Variants in GMDS observed in about 807,000 individuals in gnomAD.
The protein encoded by GMDS is GDP-mannose 4,6-dehydratase, also known as GDP-mannose 4,6 dehydratase.
A neutral mutation model predicts 49.9 loss-of-function variants in GMDS; 20 were observed. That is an observed-to-expected ratio of 0.40 (90% confidence interval 0.28 to 0.58). The LOEUF (loss-of-function observed/expected upper bound fraction) is 0.58, where lower values mean the gene tolerates loss of function less well. Among genes scored for constraint, GMDS ranks in the 20% least tolerant of loss-of-function variants. The pLI is 0.42. For synonymous variants in GMDS, 177 were observed against 178.6 expected (o/e 0.99, Z 0.07); for missense variants, 362 against 481.4 (o/e 0.75, Z 2.32).
chr6:2,064,883 A>T (rs1205179768), intron 4 of GMDS, among the ~76,000 whole-genome samples: 3 of 152,204 alleles, frequency 2.0e-5, no homozygotes, highest in Non-Finnish European at 4.4e-5. Flanking sequence ...TAAAGTTCAC[A>T]ATAACCCAAT....
At chr6:1,872,303 C>G (rs1758801603) in intron 7 of GMDS, among the ~76,000 whole-genome samples, 2 of 152,214 alleles carry the variant, frequency 1.3e-5, no homozygotes. Flanking sequence ...TCTATATGAA[C>G]TAGAATAATT....
intron 4 of GMDS, among the ~76,000 whole-genome samples, chr6:2,089,732 C>T (rs1382416338): frequency 6.6e-6 from 1 of 152,154 alleles, no homozygotes; most frequent in Non-Finnish European, 1.5e-5. Flanking sequence ...ACACAAGTTC[C>T]CAAACTCCTA....
intron 4 of GMDS, among the ~76,000 whole-genome samples, chr6:2,048,066 C>A (rs1770134682): frequency 6.6e-6 from 1 of 152,178 alleles, no homozygotes; most frequent in Admixed American, 6.5e-5. Flanking sequence ...AAGAAGTCAA[C>A]AGCCATTATT....
At chr6:1,953,127 G>A (rs1763441778) in intron 6 of GMDS, among the ~76,000 whole-genome samples, 1 of 152,186 alleles carries the variant, frequency 6.6e-6, no homozygotes, top group Non-Finnish European at 1.5e-5. Flanking sequence ...AAGGGCTGCT[G>A]GGTATGAGAG....
At chr6:2,245,022 G>A (rs1161373967) in intron 1 of GMDS, among the ~76,000 whole-genome samples, 1 of 152,206 alleles carries the variant, frequency 6.6e-6, no homozygotes, top group Admixed American at 6.5e-5. Context: ...GAGACGCTGC[G>A]GTCACCTGAG....
chr6:1,746,909 T>G, intron 7 of GMDS, among the ~76,000 whole-genome samples: 1 of 151,778 alleles, frequency 6.6e-6, no homozygotes, highest in East Asian at 1.9e-4. Flanking sequence ...ACCATGTTGG[T>G]CAGGCTGGTC....
chr6:2,164,090 T>G (rs1262299460), intron 1 of GMDS, among the ~76,000 whole-genome samples: 1 of 152,238 alleles, frequency 6.6e-6, no homozygotes, highest in Non-Finnish European at 1.5e-5. Flanking sequence ...GGCCACCTTT[T>G]GGTCCATGGT....
At chr6:2,051,857 G>A (rs1244600464) in intron 4 of GMDS, among the ~76,000 whole-genome samples, 1 of 152,050 alleles carries the variant, frequency 6.6e-6, no homozygotes, top group Non-Finnish European at 1.5e-5. Flanking sequence ...AGTGGCTCAC[G>A]CCTGTAATGC....
intron 7 of GMDS, among the ~76,000 whole-genome samples, chr6:1,807,611 A>T (rs1311019044): frequency 6.6e-6 from 1 of 152,202 alleles, no homozygotes; most frequent in African/African-American, 2.4e-5. Flanking sequence ...TATTATTCTA[A>T]TTTTTAACTG....
Position 1,635,164 on chromosome 6 carries a change from T to C in GMDS, c.988-10624A>G, listed in dbSNP as rs1252407587. 6.6e-6 allele frequency among the ~76,000 whole-genome samples: 1 copy of C among 152,200 alleles called. No homozygotes were observed. Among genetic ancestry groups the C allele is most frequent in the East Asian group, 1.9e-4 (1 of 5,190 alleles). On this transcript the variant is annotated intron_variant, in intron 9 of 10. Transcript: ENST00000380815. This position sits in a 1 kb window ranked among gnomAD's most constrained non-coding sequence, Gnocchi z 4.7. ...GAATCACCTGTGATCTCTCATATCA[T>C]TCCATGGAGCACGCCTTCTTGTTTT...
intron 7 of GMDS, among the ~76,000 whole-genome samples, chr6:1,929,329 G>C (rs776237962): frequency 6.6e-6 from 1 of 152,216 alleles, no homozygotes; most frequent in East Asian, 1.9e-4. Flanking sequence ...CCAGGGAAAG[G>C]ACAATGTCTC....
intron 4 of GMDS, among the ~76,000 whole-genome samples, chr6:1,966,631 A>G (rs753566987): frequency 2.0e-5 from 3 of 152,134 alleles, no homozygotes; most frequent in Non-Finnish European, 2.9e-5. Flanking sequence ...CGAGGTCTCA[A>G]TTCACCATCT....
chr6:2,091,904 G>GAA (rs139940619), intron 4 of GMDS, among the ~76,000 whole-genome samples: 1 of 147,074 alleles, frequency 6.8e-6, no homozygotes, highest in African/African-American at 2.5e-5. Flanking sequence ...TCAGAAAAAG[G>GAA]AAAAAAAAAA....
chr6:1,773,196 T>C (rs1446419804), intron 7 of GMDS, among the ~76,000 whole-genome samples: 3 of 47,752 alleles, frequency 6.3e-5, no homozygotes, highest in East Asian at 7.7e-4. Flanking sequence ...AGGGTCCTCT[T>C]TTTTTTTTTT....
chr6:2,039,174 GAAAAGTACAGT>G (rs1561997163), intron 4 of GMDS, among the ~76,000 whole-genome samples: 1 of 152,112 alleles, frequency 6.6e-6, no homozygotes, highest in African/African-American at 2.4e-5. Flanking sequence ...TTATAAACAC[GAAAAGTACAGT>G]AAAAGTACAG....
At chr6:2,104,806 AC>A (rs1466222111) in intron 4 of GMDS, among the ~76,000 whole-genome samples, 1 of 152,220 alleles carries the variant, frequency 6.6e-6, no homozygotes, top group African/African-American at 2.4e-5. Flanking sequence ...ATTTTAAGTC[AC>A]TTAAGTAAAT....
rs542063160 is a variant in GMDS at position 2,148,610 on chromosome 6, G to T, written c.103-23879C>A. Among the ~76,000 whole-genome samples, 221 of 152,068 alleles carry T rather than the reference G, an allele frequency of 1.5e-3. 1 individual carries two copies. The highest frequency in any genetic ancestry group is 5.1e-3 in the African/African-American group (212 of 41,466). On this transcript the variant is annotated intron_variant, in intron 1 of 10. Transcript: ENST00000380815. ...TAATTTTGTATTATTAGTAGAGCAG[G>T]TGTTTCACCATGTTGGCCAGGCTGG...
intron 9 of GMDS, among the ~76,000 whole-genome samples, chr6:1,710,821 T>C (rs1765931830): frequency 6.6e-6 from 1 of 152,234 alleles, no homozygotes; most frequent in Non-Finnish European, 1.5e-5. Flanking sequence ...GGAGGGCGGA[T>C]GTCAAGCTCT....
chr6:1,674,560 C>CTCT (rs1250819215), intron 9 of GMDS, among the ~76,000 whole-genome samples: 3 of 73,440 alleles, frequency 4.1e-5, no homozygotes, highest in East Asian at 5.4e-4. Flanking sequence ...CTCTCTCTCT[C>CTCT]TTTTTTTTTT....
Sources: gnomAD v4.1 joint callset for allele counts (sites outside exome capture counted in the v4.1 genomes callset) on GRCh38, gnomAD v4.1.1 for gene constraint, Gnocchi (gnomAD v3.1) non-coding constraint, MANE v1.5 for transcripts, NCBI Gene and HGNC (gene_info 2026-07-23, HGNC 2026-07-21) for gene names.